Variants in DOCK5 observed in about 807,000 individuals in gnomAD.
The protein encoded by DOCK5 is dedicator of cytokinesis 5, also known as dedicator of cytokinesis protein 5.
DOCK5 carries 142 observed loss-of-function variants against 251.8 expected under a neutral mutation model. That is an observed-to-expected ratio of 0.56 (90% CI 0.49 to 0.65). The LOEUF (loss-of-function observed/expected upper bound fraction) is 0.65. DOCK5 is among the 30% of genes least tolerant of loss of function. The pLI is 0.00. For synonymous variants in DOCK5, 842 were observed against 835.5 expected (o/e 1.01, Z -0.13); for missense variants, 2,111 against 2,312.3 (o/e 0.91, Z 1.79).
intron 1 of DOCK5, among the ~76,000 whole-genome samples, chr8:25,207,991 A>G (rs1275659107): frequency 6.6e-6 from 1 of 152,238 alleles, no homozygotes; most frequent in Non-Finnish European, 1.5e-5. Flanking sequence ...CAAAATATCA[A>G]TATTAGTAGG....
rs994338452 is a variant in DOCK5, at chr8:25,185,045, C to T, written c.43+94C>T. 11 of 1,239,414 alleles carry T rather than the reference C, an allele frequency of 8.9e-6. No individual in the cohort carries two copies. The Admixed American group carries it at 4.2e-4, about 47-fold the overall frequency. The allele number at this position is 1,239,414 out of a possible 1,614,324, so 76.8% of individuals were successfully genotyped here. A position where few individuals can be genotyped will look rare whatever the true frequency, so the allele number is the denominator to read the frequency against. The stretch of plus-strand genomic sequence containing the variant: ...GGTTTGCGCAGAGCCCGGCGGAGGA[C>T]CCTGGCCGGGGGCTCGGCCCGGCTG... On this transcript the variant is annotated intron_variant, in intron 1 of 51. Transcript: ENST00000276440.
chr8:25,296,697 C>T, intron 7 of DOCK5, 49 bp downstream of exon 7: 8 of 1,597,112 alleles, frequency 5.0e-6, no homozygotes, highest in South Asian at 1.1e-5. Flanking sequence ...TCCATTTTTG[C>T]CTTGGTTTTT....
intron 40 of DOCK5, among the ~76,000 whole-genome samples, chr8:25,384,468 T>TA (rs1489316249): frequency 1.8e-5 from 2 of 109,640 alleles, no homozygotes; most frequent in Non-Finnish European, 4.0e-5. Context: ...TATTTATTTT[T>TA]TTTTTTTTTG....
chr8:25,384,034 G>C (rs1215861509), intron 40 of DOCK5, among the ~76,000 whole-genome samples: 1 of 152,194 alleles, frequency 6.6e-6, no homozygotes, highest in African/African-American at 2.4e-5. Context: ...ACGTGTCCCT[G>C]AACTGGTGAT....
At chr8:25,271,177 T>G (rs1214790476) in intron 3 of DOCK5, 4 of 206,162 alleles carry the variant, frequency 1.9e-5, no homozygotes, top group Non-Finnish European at 2.9e-5. Context: ...TTTTTTAAAT[T>G]TTTTTGTGTT....
intron 30 of DOCK5, among the ~76,000 whole-genome samples, chr8:25,365,228 C>T (rs1194805520): frequency 6.6e-6 from 1 of 152,234 alleles, no homozygotes; most frequent in Non-Finnish European, 1.5e-5. Context: ...CTTACATGTA[C>T]AGGGCCCTGT....
intron 4 of DOCK5, chr8:25,277,079 G>T: frequency 6.5e-6 from 1 of 153,466 alleles, no homozygotes; most frequent in South Asian, 1.8e-4. Flanking sequence ...AATGAGCGTT[G>T]GCCTCAAACC....
At chr8:25,204,537 A>G (rs1292710534) in intron 1 of DOCK5, among the ~76,000 whole-genome samples, 1 of 152,222 alleles carries the variant, frequency 6.6e-6, no homozygotes. Flanking sequence ...AGGCCACATT[A>G]ATGGACTAAA....
intron 2 of DOCK5, among the ~76,000 whole-genome samples, chr8:25,246,139 G>A (rs1280023290): frequency 6.6e-6 from 1 of 152,082 alleles, no homozygotes; most frequent in East Asian, 1.9e-4. Flanking sequence ...GTCTTACTCT[G>A]TGTTGTGTAA....
At chr8:25,385,456 T>G in intron 40 of DOCK5, among the ~76,000 whole-genome samples, 1 of 152,148 alleles carries the variant, frequency 6.6e-6, no homozygotes, top group African/African-American at 2.4e-5. Flanking sequence ...GGTGAGGAAG[T>G]GAGAGTTGTC....
At chr8:25,255,766 A>G (rs1803404572) in intron 2 of DOCK5, among the ~76,000 whole-genome samples, 1 of 152,228 alleles carries the variant, frequency 6.6e-6, no homozygotes, top group Non-Finnish European at 1.5e-5. Context: ...ATGTCTTGTC[A>G]GGGGACAAGA....
At chr8:25,305,638 A>T (rs571451421) in intron 11 of DOCK5, among the ~76,000 whole-genome samples, 20 of 152,316 alleles carry the variant, frequency 1.3e-4, no homozygotes, top group African/African-American at 4.8e-4. Flanking sequence ...ATTAATAAGG[A>T]CATGAAGGGA....
intron 1 of DOCK5, among the ~76,000 whole-genome samples, chr8:25,189,584 C>T (rs1414288509): frequency 6.6e-6 from 1 of 152,084 alleles, no homozygotes; most frequent in Non-Finnish European, 1.5e-5. Context: ...TGGTCTGGAA[C>T]TCCTAGGCTC....
intron 37 of DOCK5, 143 bp from the exon 38 acceptor site, chr8:25,377,162 T>C (rs1800977224): frequency 9.0e-7 from 1 of 1,116,642 alleles, no homozygotes; most frequent in Non-Finnish European, 1.2e-6. Flanking sequence ...GGCATGTGTA[T>C]ATGTGTGTAT....
chr8:25,359,524 G>T (rs1034770103), intron 28 of DOCK5, among the ~76,000 whole-genome samples: 1 of 152,180 alleles, frequency 6.6e-6, no homozygotes, highest in Non-Finnish European at 1.5e-5. Context: ...GAACCTGGCC[G>T]CACAGCAGGA....
intron 1 of DOCK5, among the ~76,000 whole-genome samples, chr8:25,222,677 C>T (rs1802425542): frequency 6.6e-6 from 1 of 152,156 alleles, no homozygotes; most frequent in African/African-American, 2.4e-5. Flanking sequence ...CCCTTTCTTC[C>T]ATCTGTTCCT....
Position 25,377,405 on chromosome 8 carries a change from C to T in DOCK5, c.3917C>T (p.Ser1306Leu). 6.2e-7 allele frequency: 1 copy of T among 1,613,452 alleles called. No individual in the cohort carries two copies. ...GAGAAGCTGTATCAAGAAATCATAT[C>T]ATATTTCGACAAAGGCAAAGTGAGT... is the stretch of plus-strand genomic sequence containing the variant. ...LKEKLYQEII[S>L]YFDKGKMWEK... The change falls in exon 38 of 52, where the codon TCA becomes TTA. Residue 1306 changes from serine to leucine, a missense_variant. Physicochemically the swap from Ser to Leu is moderately radical, Grantham distance 145. This residue lies in a region of DOCK5 where 1,717 missense variants were observed against 1,892.4 expected (regional missense o/e 0.91). Coordinates refer to ENST00000276440, the MANE Select transcript of DOCK5 (RefSeq NM_024940.8).
chr8:25,285,269 C>T (rs1002863704), intron 5 of DOCK5, among the ~76,000 whole-genome samples: 9 of 152,088 alleles, frequency 5.9e-5, no homozygotes, highest in African/African-American at 1.7e-4. Context: ...CCTCAGTCTC[C>T]GGAGTAGCTG....
intron 45 of DOCK5, 33 bp from the exon 46 acceptor site, chr8:25,399,878 T>G: frequency 1.3e-6 from 2 of 1,538,014 alleles, no homozygotes; most frequent in Non-Finnish European, 1.8e-6. Context: ...TAGGAATGTG[T>G]TCTAATTAAA....
Sources: allele counts gnomAD v4.1 joint callset (sites outside exome capture counted in the v4.1 genomes callset), GRCh38; gene constraint gnomAD v4.1.1; regional missense constraint gnomAD v4.1.1; transcripts MANE v1.5; gene names NCBI Gene and HGNC (gene_info 2026-07-23, HGNC 2026-07-21).